Variants in SNTG1 observed in about 807,000 individuals in gnomAD.
SNTG1 encodes the protein gamma-1-syntrophin.
In SNTG1, 39 loss-of-function variants were observed where a neutral mutation model predicts 74.7. The observed-to-expected ratio is 0.52, with a 90% confidence interval of 0.40 to 0.68. The LOEUF is 0.68. SNTG1 is among the 30% of genes least tolerant of loss of function. The pLI is 0.00. For missense variants in SNTG1, 685 were observed against 609.5 expected (o/e 1.12, Z -1.30); for synonymous variants, 254 against 217.1 (o/e 1.17, Z -1.49).
intron 1 of SNTG1, among the ~76,000 whole-genome samples, chr8:50,169,605 T>C (rs973132424): frequency 2.6e-5 from 4 of 152,214 alleles, no homozygotes; most frequent in Admixed American, 6.5e-5. Context: ...AAACTTAAAA[T>C]CCCTCCGTTA....
At chr8:50,580,573 G>T (rs2094604109) in intron 12 of SNTG1, among the ~76,000 whole-genome samples, 1 of 151,980 alleles carries the variant, frequency 6.6e-6, no homozygotes, top group Admixed American at 6.5e-5. Context: ...TGAATCATGG[G>T]GATGGTTACC....
intron 13 of SNTG1, among the ~76,000 whole-genome samples, chr8:50,620,998 T>C (rs561242090): frequency 6.6e-6 from 1 of 151,656 alleles, no homozygotes; most frequent in African/African-American, 2.4e-5. Flanking sequence ...AGCAAGGGGG[T>C]TGGAGGCAAT....
At chr8:50,766,094 A>G (rs191004471) in intron 18 of SNTG1, among the ~76,000 whole-genome samples, 36 of 152,100 alleles carry the variant, frequency 2.4e-4, no homozygotes, top group Middle Eastern at 3.4e-3. Context: ...GAAACCCAGG[A>G]CAGTTTGTTC....
At chr8:50,538,869 A>C (rs1446029247) in intron 11 of SNTG1, among the ~76,000 whole-genome samples, 1 of 152,104 alleles carries the variant, frequency 6.6e-6, no homozygotes, top group African/African-American at 2.4e-5. Context: ...TTTTTAAAAA[A>C]TCTGTTTTCT....
intron 17 of SNTG1, among the ~76,000 whole-genome samples, chr8:50,750,929 T>C (rs1488423079): frequency 3.3e-5 from 5 of 151,970 alleles, no homozygotes; most frequent in Non-Finnish European, 2.9e-5. Context: ...TGCCCGTATA[T>C]GCTTTTATCT....
intron 8 of SNTG1, among the ~76,000 whole-genome samples, chr8:50,451,349 A>G (rs1315142275): frequency 6.6e-6 from 1 of 152,166 alleles, no homozygotes; most frequent in Middle Eastern, 3.2e-3. Flanking sequence ...TTGAGCATCC[A>G]CGGGTGTTGG....
At chr8:50,560,978 T>C (rs954703201) in intron 12 of SNTG1, among the ~76,000 whole-genome samples, 6 of 152,206 alleles carry the variant, frequency 3.9e-5, no homozygotes, top group African/African-American at 1.4e-4. Context: ...GCTTTTAGAC[T>C]GACATTATGA....
intron 1 of SNTG1, among the ~76,000 whole-genome samples, chr8:49,960,800 A>G (rs193250750): frequency 5.3e-5 from 8 of 152,236 alleles, no homozygotes; most frequent in African/African-American, 1.9e-4. Context: ...TTTACCTCAG[A>G]TAGAGACAAT....
chr8:50,118,641 C>T (rs1265421153), intron 1 of SNTG1, among the ~76,000 whole-genome samples: 1 of 119,998 alleles, frequency 8.3e-6, no homozygotes, highest in African/African-American at 2.9e-5. Context: ...CCAAAGAATC[C>T]TGAGAATTTT....
At chr8:50,138,337 C>T (rs1343191883) in intron 1 of SNTG1, among the ~76,000 whole-genome samples, 1 of 151,948 alleles carries the variant, frequency 6.6e-6, no homozygotes, top group Non-Finnish European at 1.5e-5. Context: ...AGAGTTCTGG[C>T]TGGACGTGGT....
chr8:50,060,687 T>A (rs1045092988), intron 1 of SNTG1, among the ~76,000 whole-genome samples: 23 of 152,080 alleles, frequency 1.5e-4, no homozygotes, highest in African/African-American at 5.6e-4. Context: ...TTAAAACACC[T>A]ACAGCTTTTT....
chr8:49,946,345 T>C (rs1334166619), intron 1 of SNTG1, among the ~76,000 whole-genome samples: 1 of 152,196 alleles, frequency 6.6e-6, no homozygotes. Flanking sequence ...AATAGTTCAA[T>C]ATACATTCTC....
intron 8 of SNTG1, among the ~76,000 whole-genome samples, chr8:50,462,879 C>T (rs866638673): frequency 1.9e-4 from 23 of 121,860 alleles, no homozygotes; most frequent in African/African-American, 6.0e-4. Flanking sequence ...TGCAATGACA[C>T]GATCTTGGCT....
intron 13 of SNTG1, among the ~76,000 whole-genome samples, chr8:50,607,619 G>A (rs948618155): frequency 2.0e-5 from 3 of 151,298 alleles, no homozygotes; most frequent in East Asian, 1.9e-4. Flanking sequence ...TCAACATAAA[G>A]CCTTATCAAT....
At chr8:50,774,679 T>C (rs2095635581) in intron 18 of SNTG1, among the ~76,000 whole-genome samples, 1 of 151,782 alleles carries the variant, frequency 6.6e-6, no homozygotes, top group Admixed American at 6.6e-5. Flanking sequence ...TAAGTGACAG[T>C]ATAAATGCAT....
chr8:49,921,832 C>A (rs1806572770), intron 1 of SNTG1, among the ~76,000 whole-genome samples: 1 of 152,090 alleles, frequency 6.6e-6, no homozygotes. Context: ...ATAAAATATA[C>A]ACATAAAATA....
At chr8:50,714,824 C>G (rs1302898774) in intron 17 of SNTG1, among the ~76,000 whole-genome samples, 2 of 152,064 alleles carry the variant, frequency 1.3e-5, no homozygotes, top group East Asian at 3.9e-4. Context: ...ACCATTCTAG[C>G]TGAGGTACAG....
intron 2 of SNTG1, among the ~76,000 whole-genome samples, chr8:50,195,219 G>C (rs962881414): frequency 3.3e-5 from 5 of 151,932 alleles, no homozygotes; most frequent in Admixed American, 6.6e-5. Context: ...TCAGGGAAGT[G>C]GGGGAAAGCC....
intron 8 of SNTG1, among the ~76,000 whole-genome samples, chr8:50,479,542 C>A (rs919611599): frequency 6.6e-6 from 1 of 152,104 alleles, no homozygotes; most frequent in Non-Finnish European, 1.5e-5. Context: ...TTCTTAATGC[C>A]TTTGATGCCT....
Sources: gnomAD v4.1 joint callset for allele counts (sites outside exome capture counted in the v4.1 genomes callset) on GRCh38, gnomAD v4.1.1 for gene constraint, MANE v1.5 for transcripts, NCBI Gene and HGNC (gene_info 2026-07-23, HGNC 2026-07-21) for gene names.